Variants in PELI2 observed in about 807,000 individuals in gnomAD.
PELI2 encodes E3 ubiquitin-protein ligase pellino homolog 2.
A neutral mutation model predicts 42.3 loss-of-function variants in PELI2; 23 were observed. The ratio of observed to expected loss-of-function variants is 0.54; its 90% confidence interval spans 0.39 to 0.77. PELI2 has a LOEUF of 0.77. Ranked by LOEUF, PELI2 falls within the 30% of genes least tolerant of loss-of-function variation. The pLI, the probability that PELI2 is intolerant of heterozygous loss-of-function variation, is 0.00. For synonymous variants in PELI2, 245 were observed against 212.2 expected, an observed-to-expected ratio of 1.15 and a Z score of -1.34; for missense variants, 463 against 553.2, an observed-to-expected ratio of 0.84 and a Z score of 1.64.
At chr14:56,260,042 A>G (rs934949953) in intron 2 of PELI2, among the ~76,000 whole-genome samples, 2 of 152,162 alleles carry the variant, frequency 1.3e-5, no homozygotes. Flanking sequence ...TTATTTAGAT[A>G]CCAATTTTTC....
intron 2 of PELI2, among the ~76,000 whole-genome samples, chr14:56,192,475 A>T (rs1239502145): frequency 1.3e-5 from 2 of 152,142 alleles, no homozygotes; most frequent in Non-Finnish European, 2.9e-5. Context: ...AGCAGCATCT[A>T]TGGCCTTTAC....
chr14:56,166,638 T>C (rs1023913253), intron 1 of PELI2, among the ~76,000 whole-genome samples: 4 of 152,194 alleles, frequency 2.6e-5, no homozygotes, highest in Non-Finnish European at 4.4e-5. Flanking sequence ...TTTTTCTAAA[T>C]ATACTATTCT....
chr14:56,268,017 A>G (rs1888968701), intron 2 of PELI2, among the ~76,000 whole-genome samples: 1 of 152,190 alleles, frequency 6.6e-6, no homozygotes. Context: ...TTCAATTTAT[A>G]GCATTTGGAA....
intron 2 of PELI2, among the ~76,000 whole-genome samples, chr14:56,259,030 C>CTTT (rs1347116540): frequency 1.3e-5 from 2 of 152,002 alleles, no homozygotes; most frequent in African/African-American, 4.8e-5. Context: ...CACTGCAAGT[C>CTTT]AGAAGACCAT....
At chr14:56,214,138 C>G (rs1419105971) in intron 2 of PELI2, among the ~76,000 whole-genome samples, 7 of 152,084 alleles carry the variant, frequency 4.6e-5, no homozygotes, top group African/African-American at 1.7e-4. Context: ...CAGGTGTGAG[C>G]CACTGCGCCT....
At chr14:56,183,340 A>T (rs1239168816) in intron 2 of PELI2, among the ~76,000 whole-genome samples, 1 of 152,200 alleles carries the variant, frequency 6.6e-6, no homozygotes, top group Non-Finnish European at 1.5e-5. Context: ...GAACAATTTG[A>T]TTATTTCAAC....
chr14:56,250,145 A>G (rs914649894), intron 2 of PELI2, among the ~76,000 whole-genome samples: 10 of 152,160 alleles, frequency 6.6e-5, no homozygotes. Context: ...CTTATTTCCA[A>G]AAGCCATCGG....
At chr14:56,194,107 C>A (rs79333458) in intron 2 of PELI2, among the ~76,000 whole-genome samples, 317 of 152,174 alleles carry the variant, frequency 2.1e-3, no homozygotes, top group African/African-American at 7.3e-3. Context: ...ACTTGTACGT[C>A]GTAGGAAGCA....
chr14:56,236,471 A>G (rs965652224), intron 2 of PELI2, among the ~76,000 whole-genome samples: 2 of 152,248 alleles, frequency 1.3e-5, no homozygotes, highest in African/African-American at 4.8e-5. Context: ...TGTGTGATGC[A>G]TGCATATGCA....
intron 2 of PELI2, among the ~76,000 whole-genome samples, chr14:56,240,640 C>T (rs577808318): frequency 2.0e-4 from 31 of 152,116 alleles, no homozygotes; most frequent in South Asian, 4.1e-4. Context: ...ATCTTTAAGA[C>T]AGGCCATGTT....
chr14:56,299,731 T>C lies in PELI2; in HGVS notation c.*2565T>C, dbSNP rs763664457. 5.3e-5 allele frequency: 8 copies of C among 152,208 alleles called. No individual in the cohort carries two copies. Among genetic ancestry groups the C allele is most frequent in the Non-Finnish European group, 7.3e-5 (5 of 68,036 alleles). 9.4% of individuals were successfully genotyped at this position (152,208 alleles called of 1,614,324 possible). ...TCACTTCTTTTTTTATGTCTTGCCA[T>C]CACTTTAAAGGACTAGCCCCACTCC... On this transcript the variant is annotated 3_prime_UTR_variant, in exon 6 of 6. Transcript: ENST00000267460.
chr14:56,228,536 T>A (rs1887442274), intron 2 of PELI2, among the ~76,000 whole-genome samples: 1 of 152,240 alleles, frequency 6.6e-6, no homozygotes, highest in Non-Finnish European at 1.5e-5. Flanking sequence ...AACTTTATTA[T>A]GGGAAAATAC....
rs373145642 is a variant in PELI2 at position 56,280,390 on chromosome 14, GA to G, written c.309+620del. ...AGCACATCAAAAGAGCAGAAGGAAG[GA>G]AAAAAACATTCGTCAGTTAATGAAT... On this transcript the variant is annotated intron_variant, in intron 3 of 5. Coordinates refer to ENST00000267460, the MANE Select transcript of PELI2 (RefSeq NM_021255.3). Among the ~76,000 whole-genome samples the G allele has an allele frequency of 5.2e-3, 782 of 151,136 alleles. 8 individuals are homozygous for G. Among genetic ancestry groups the G allele is most frequent in the African/African-American group, 0.018 (727 of 41,234 alleles).
intron 2 of PELI2, among the ~76,000 whole-genome samples, chr14:56,192,851 A>G (rs1273430301): frequency 6.6e-6 from 1 of 152,232 alleles, no homozygotes; most frequent in African/African-American, 2.4e-5. Flanking sequence ...TTGTAAGAAC[A>G]TTGGGTATTA....
At chr14:56,228,272 C>G (rs1471982343) in intron 2 of PELI2, among the ~76,000 whole-genome samples, 1 of 152,186 alleles carries the variant, frequency 6.6e-6, no homozygotes, top group Non-Finnish European at 1.5e-5. Flanking sequence ...TGCTGTGGTT[C>G]ATCTTTCCCT....
At chr14:56,275,782 A>G (rs868275116) in intron 2 of PELI2, among the ~76,000 whole-genome samples, 1 of 151,830 alleles carries the variant, frequency 6.6e-6, no homozygotes, top group South Asian at 2.1e-4. Flanking sequence ...GGGGTTGGGG[A>G]CCCCTGGTGT....
chr14:56,165,901 CTT>C (rs931106679), intron 1 of PELI2, among the ~76,000 whole-genome samples: 3 of 151,944 alleles, frequency 2.0e-5, no homozygotes, highest in Admixed American at 1.3e-4. Flanking sequence ...CCATATGTGT[CTT>C]TATAGATGAA....
At chr14:56,271,248 C>T (rs3783677) in intron 2 of PELI2, among the ~76,000 whole-genome samples, 20,264 of 152,252 alleles carry the variant, frequency 0.13, 1,722 homozygotes, top group Middle Eastern at 0.21. Flanking sequence ...TTCATTTGCT[C>T]ATAAATGTGC....
chr14:56,145,868 C>T (rs1038523327), intron 1 of PELI2, among the ~76,000 whole-genome samples: 2 of 152,308 alleles, frequency 1.3e-5, no homozygotes, highest in East Asian at 3.9e-4. Context: ...TGTTGACTTA[C>T]ATTACTTTTG....
Sources: gnomAD v4.1 joint callset for allele counts (sites outside exome capture counted in the v4.1 genomes callset) on GRCh38, gnomAD v4.1.1 for gene constraint, MANE v1.5 for transcripts, NCBI Gene and HGNC (gene_info 2026-07-23, HGNC 2026-07-21) for gene names.